Variants in SLC44A5 observed in about 807,000 individuals in gnomAD.
SLC44A5 encodes choline transporter-like protein 5.
Under a neutral mutation model 101.8 loss-of-function variants are expected in SLC44A5, and 57 were observed. The ratio of observed to expected loss-of-function variants is 0.56; its 90% CI spans 0.45 to 0.70. The LOEUF (loss-of-function observed/expected upper bound fraction) is 0.70. SLC44A5 is among the 30% of genes least tolerant of loss of function. The probability of loss-of-function intolerance (pLI) is 0.00; values close to 1 mark genes in which losing one functional copy is unlikely to be tolerated. For missense variants in SLC44A5, 737 were observed against 853.1 expected (o/e 0.86, Z 1.70); for synonymous variants, 281 against 290.9 (o/e 0.97, Z 0.35).
intron 2 of SLC44A5, among the ~76,000 whole-genome samples, chr1:75,403,678 A>T (rs1346623283): frequency 6.6e-6 from 1 of 152,190 alleles, no homozygotes. Flanking sequence ...TGCCCACACA[A>T]AAACCCATCT....
At chr1:75,275,711 A>G (rs139970007) in intron 5 of SLC44A5, among the ~76,000 whole-genome samples, 2 of 152,252 alleles carry the variant, frequency 1.3e-5, no homozygotes, top group African/African-American at 2.4e-5. Context: ...CTTATTTTTT[A>G]AGAATTATAA....
chr1:75,397,371 A>T (rs994823747), intron 2 of SLC44A5, among the ~76,000 whole-genome samples: 2 of 152,154 alleles, frequency 1.3e-5, no homozygotes, highest in African/African-American at 4.8e-5. Flanking sequence ...AGAGCTATTG[A>T]AAAGAATTCC....
At chr1:75,375,446 T>G (rs890969858) in intron 3 of SLC44A5, among the ~76,000 whole-genome samples, 1 of 152,222 alleles carries the variant, frequency 6.6e-6, no homozygotes, top group South Asian at 2.1e-4. Flanking sequence ...TCCCCAATTT[T>G]GCGAAAGAAG....
the SLC44A5 span, among the ~76,000 whole-genome samples, chr1:75,684,932 A>G: frequency 5.9e-5 from 9 of 152,180 alleles, no homozygotes; most frequent in Non-Finnish European, 1.2e-4. Context: ...GACCTAGAAG[A>G]GGTTCTCCGT....
chr1:75,590,091 G>A (rs1317845985), intron 1 of SLC44A5, among the ~76,000 whole-genome samples: 1 of 151,976 alleles, frequency 6.6e-6, no homozygotes, highest in Non-Finnish European at 1.5e-5. Flanking sequence ...ACCAGCTGGG[G>A]TAACCAAGGG....
the SLC44A5 span, among the ~76,000 whole-genome samples, chr1:75,705,544 A>G: frequency 1.3e-5 from 2 of 152,280 alleles, no homozygotes; most frequent in Admixed American, 1.3e-4. Context: ...CTTTTCGTGC[A>G]TTCTCTGATT....
intron 12 of SLC44A5, among the ~76,000 whole-genome samples, chr1:75,232,713 T>A (rs1455795334): frequency 6.6e-6 from 1 of 152,208 alleles, no homozygotes; most frequent in Non-Finnish European, 1.5e-5. Flanking sequence ...AAGAGCTTTA[T>A]ATTCATTGTC....
At chr1:75,232,489 G>A (rs1163642583) in intron 12 of SLC44A5, among the ~76,000 whole-genome samples, 1 of 151,956 alleles carries the variant, frequency 6.6e-6, no homozygotes, top group African/African-American at 2.4e-5. Context: ...AAGTTCTTGT[G>A]TTCCTGGACC....
intron 6 of SLC44A5, among the ~76,000 whole-genome samples, chr1:75,254,940 G>T (rs928813495): frequency 2.0e-5 from 3 of 152,108 alleles, no homozygotes; most frequent in Admixed American, 6.6e-5. Flanking sequence ...TTTTAAGAAA[G>T]TTTATGATTT....
At chr1:75,214,096 G>GC in intron 20 of SLC44A5, 107 bp from the exon 21 acceptor site, 1 of 719,498 alleles carries the variant, frequency 1.4e-6, no homozygotes, top group Non-Finnish European at 2.4e-6. Context: ...TGTCTTTGCT[G>GC]AAATTGTATT....
At chr1:75,705,131 T>A in the SLC44A5 span, among the ~76,000 whole-genome samples, 3 of 152,210 alleles carry the variant, frequency 2.0e-5, no homozygotes, top group Admixed American at 2.0e-4. Context: ...AGCATAACAT[T>A]AATGAATTTT....
At chr1:75,278,684 C>A (rs1004772897) in intron 5 of SLC44A5, among the ~76,000 whole-genome samples, 1 of 152,122 alleles carries the variant, frequency 6.6e-6, no homozygotes, top group Non-Finnish European at 1.5e-5. Context: ...TAGTCAAGTG[C>A]TTACACCTAC....
At chr1:75,257,650 C>T (rs1400020202) in intron 6 of SLC44A5, among the ~76,000 whole-genome samples, 1 of 152,100 alleles carries the variant, frequency 6.6e-6, no homozygotes, top group African/African-American at 2.4e-5. Context: ...CTGAGACTAA[C>T]ATAGGAAATT....
intron 2 of SLC44A5, among the ~76,000 whole-genome samples, chr1:75,530,951 A>G (rs1403588915): frequency 1.3e-5 from 2 of 152,206 alleles, no homozygotes; most frequent in African/African-American, 2.4e-5. Flanking sequence ...GAGGAAGTTT[A>G]ATGGATATTA....
chr1:75,509,591 G>A (rs1333609292), intron 2 of SLC44A5, among the ~76,000 whole-genome samples: 1 of 152,096 alleles, frequency 6.6e-6, no homozygotes, highest in Non-Finnish European at 1.5e-5. Flanking sequence ...GTAAAGAGGA[G>A]GCAGATATAA....
intron 5 of SLC44A5, among the ~76,000 whole-genome samples, chr1:75,298,818 G>C (rs1023515666): frequency 1.3e-5 from 2 of 152,212 alleles, no homozygotes; most frequent in Non-Finnish European, 2.9e-5. Context: ...TTATACAATG[G>C]TAGCAAACAA....
chr1:75,576,133 G>A (rs1196796110), intron 1 of SLC44A5, among the ~76,000 whole-genome samples: 1 of 151,518 alleles, frequency 6.6e-6, no homozygotes, highest in African/African-American at 2.4e-5. Flanking sequence ...GAGAGAGAGA[G>A]AGAAATAGAG....
intron 1 of SLC44A5, among the ~76,000 whole-genome samples, chr1:75,609,632 T>C (rs964940582): frequency 3.3e-5 from 5 of 151,898 alleles, no homozygotes; most frequent in Non-Finnish European, 7.4e-5. Context: ...CAGGAATCAG[T>C]ACTCAAAAAA....
chr1:75,722,507 G>A, the SLC44A5 span, among the ~76,000 whole-genome samples: 3 of 152,310 alleles, frequency 2.0e-5, no homozygotes, highest in African/African-American at 7.2e-5. Context: ...GCTGAGGGTA[G>A]TTACGATCTA....
Sources: gnomAD v4.1 joint callset for allele counts (sites outside exome capture counted in the v4.1 genomes callset) on GRCh38, gnomAD v4.1.1 for gene constraint, MANE v1.5 for transcripts, NCBI Gene and HGNC (gene_info 2026-07-23, HGNC 2026-07-21) for gene names.